CSMD1: variants seen among roughly 807,000 people sequenced by gnomAD.
CSMD1 encodes the protein CUB and sushi domain-containing protein 1.
In CSMD1, 213 loss-of-function variants were observed where a neutral mutation model predicts 417.5. That is an observed-to-expected ratio of 0.51 (90% CI 0.46 to 0.57). CSMD1 has a LOEUF of 0.57. Ranked by LOEUF, CSMD1 falls within the 20% of genes least tolerant of loss-of-function variation. The pLI, the probability that CSMD1 is intolerant of heterozygous loss-of-function variation, is 0.00. For synonymous variants in CSMD1, 2,862 were observed against 1,736.8 expected (o/e 1.65, Z -16.11); for missense variants, 6,923 against 4,529.7 (o/e 1.53, Z -15.17).
At chr8:3,861,602 A>T (rs1409132960) in intron 5 of CSMD1, among the ~76,000 whole-genome samples, 1 of 152,182 alleles carries the variant, frequency 6.6e-6, no homozygotes, top group Non-Finnish European at 1.5e-5. Flanking sequence ...TCTGAGCTGA[A>T]GTGACCTCAC....
chr8:4,515,064 G>A (rs1410086855), intron 2 of CSMD1, among the ~76,000 whole-genome samples: 2 of 152,086 alleles, frequency 1.3e-5, no homozygotes, highest in Non-Finnish European at 2.9e-5. Flanking sequence ...CACCCAGAAG[G>A]CAAATGATAC....
rs997388534 is a variant in CSMD1 at position 4,171,097 on chromosome 8, G to T, written c.416-138998C>A. 2.6e-5 allele frequency among the ~76,000 whole-genome samples: 4 copies of T among 151,848 alleles called. No homozygotes were observed. The East Asian group carries it at 7.7e-4, about 29-fold the overall frequency. ...CCACGGTGCTTACCAGAGTCCAGCT[G>T]TACTACCTGCCCTTCAGCACACAAA... On this transcript the variant is annotated intron_variant, in intron 3 of 69. Transcript: ENST00000635120.
chr8:3,417,541 CA>C (rs1813232156), intron 12 of CSMD1, among the ~76,000 whole-genome samples: 1 of 152,166 alleles, frequency 6.6e-6, no homozygotes, highest in African/African-American at 2.4e-5. Context: ...ACTTTAATCA[CA>C]AACTAGAATA....
chr8:4,312,419 ATGCG>A lies in CSMD1; in HGVS notation c.415+107530_415+107533del, dbSNP rs565169655. Among the ~76,000 whole-genome samples the A allele has an allele frequency of 2.5e-4, 26 of 105,338 alleles. 3 individuals carry two copies. Among genetic ancestry groups the A allele is most frequent in the African/African-American group, 2.0e-3 (24 of 11,960 alleles). 69.1% of individuals were successfully genotyped at this position (105,338 alleles called of 152,430 possible). ...CATACATATATATGCGTGTATATAT[ATGCG>A]CGTATATATATATGCGTATATATAT... On this transcript the variant is annotated intron_variant, in intron 3 of 69. Transcript: ENST00000635120.
At chr8:4,252,633 G>C (rs550652807) in intron 3 of CSMD1, among the ~76,000 whole-genome samples, 1 of 152,310 alleles carries the variant, frequency 6.6e-6, no homozygotes, top group Admixed American at 6.5e-5. Context: ...ATAGTCTCCA[G>C]AAGTAACACC....
intron 1 of CSMD1, among the ~76,000 whole-genome samples, chr8:4,963,929 TA>T (rs996938167): frequency 6.6e-6 from 1 of 152,100 alleles, no homozygotes; most frequent in Non-Finnish European, 1.5e-5. Context: ...TTACTAGTAT[TA>T]AAAAAACAAG....
At chr8:2,964,628 G>A (rs1803795876) in intron 59 of CSMD1, among the ~76,000 whole-genome samples, 1 of 152,194 alleles carries the variant, frequency 6.6e-6, no homozygotes, top group Non-Finnish European at 1.5e-5. Flanking sequence ...TTTCCATCAT[G>A]ACCATTTGAC....
intron 2 of CSMD1, among the ~76,000 whole-genome samples, chr8:4,559,466 G>C (rs1310385938): frequency 6.6e-6 from 1 of 152,136 alleles, no homozygotes; most frequent in Non-Finnish European, 1.5e-5. Flanking sequence ...TATAACCATG[G>C]AGTAGAAAAG....
chr8:4,023,854 G>C (rs1019929465), intron 4 of CSMD1, among the ~76,000 whole-genome samples: 5 of 143,382 alleles, frequency 3.5e-5, no homozygotes, highest in African/African-American at 1.3e-4. Flanking sequence ...CCTGACCTCG[G>C]GATCTGCCCG....
chr8:3,220,916 T>G (rs2116856688), intron 28 of CSMD1, among the ~76,000 whole-genome samples: 2 of 152,208 alleles, frequency 1.3e-5, no homozygotes, highest in Non-Finnish European at 1.5e-5. Context: ...CTATAGCAGG[T>G]TTTTCATATG....
At chr8:4,352,355 A>C (rs1048075106) in intron 3 of CSMD1, among the ~76,000 whole-genome samples, 1 of 152,244 alleles carries the variant, frequency 6.6e-6, no homozygotes, top group African/African-American at 2.4e-5. Context: ...GAATGTTCTC[A>C]GATAATTCAC....
intron 18 of CSMD1, among the ~76,000 whole-genome samples, chr8:3,374,750 C>A (rs1005043632): frequency 6.6e-6 from 1 of 152,146 alleles, no homozygotes; most frequent in African/African-American, 2.4e-5. Context: ...ATTCCAGGAT[C>A]CTACGGCTTC....
At chr8:2,943,149 G>C (rs1239839887) in intron 68 of CSMD1, among the ~76,000 whole-genome samples, 1 of 151,970 alleles carries the variant, frequency 6.6e-6, no homozygotes, top group African/African-American at 2.4e-5. Context: ...AATAATTATA[G>C]TTCAATGTCA....
chr8:4,052,464 G>C (rs967004117), intron 3 of CSMD1, among the ~76,000 whole-genome samples: 1 of 152,194 alleles, frequency 6.6e-6, no homozygotes, highest in African/African-American at 2.4e-5. Context: ...CCCACTGCAA[G>C]ATGGATAATC....
intron 10 of CSMD1, among the ~76,000 whole-genome samples, chr8:3,497,286 C>G (rs1796406209): frequency 6.6e-6 from 1 of 152,124 alleles, no homozygotes; most frequent in Non-Finnish European, 1.5e-5. Flanking sequence ...GTCTATCTCT[C>G]CCATCAATAA....
At chr8:3,491,255 G>T (rs117625319) in intron 11 of CSMD1, among the ~76,000 whole-genome samples, 1 of 152,114 alleles carries the variant, frequency 6.6e-6, no homozygotes, top group Non-Finnish European at 1.5e-5. Context: ...CACTGAGTTG[G>T]AATCCCTGCC....
chr8:4,460,508 G>A (rs989041489), intron 2 of CSMD1, among the ~76,000 whole-genome samples: 7 of 151,994 alleles, frequency 4.6e-5, no homozygotes, highest in Non-Finnish European at 1.0e-4. Flanking sequence ...AGAAAAAAAT[G>A]AACGTAAGCA....
chr8:4,949,413 C>T (rs924648399), intron 1 of CSMD1, among the ~76,000 whole-genome samples: 14 of 152,072 alleles, frequency 9.2e-5, no homozygotes, highest in African/African-American at 3.4e-4. Context: ...TGAAACTTTC[C>T]TGGAAAATTA....
At chr8:3,223,678 G>A (rs1400237441) in intron 28 of CSMD1, 51 bp downstream of exon 28, 9 of 1,579,092 alleles carry the variant, frequency 5.7e-6, no homozygotes, top group Non-Finnish European at 7.0e-6. Flanking sequence ...TAATTTTTAG[G>A]TATGGAATTA....
Sources: allele counts gnomAD v4.1 joint callset (sites outside exome capture counted in the v4.1 genomes callset), GRCh38; gene constraint gnomAD v4.1.1; transcripts MANE v1.5; gene names NCBI Gene and HGNC (gene_info 2026-07-23, HGNC 2026-07-21).